Variants in NUP107 observed in about 807,000 individuals in gnomAD.
The protein encoded by NUP107 is nucleoporin 107.
A neutral mutation model predicts 141.0 loss-of-function variants in NUP107; 101 were observed. That is an observed-to-expected ratio of 0.72 (90% CI 0.61 to 0.84). The LOEUF (loss-of-function observed/expected upper bound fraction) is 0.84. Among genes scored for constraint, NUP107 ranks in the 40% least tolerant of loss-of-function variants. The probability of loss-of-function intolerance (pLI) is 0.00; values close to 1 mark genes in which losing one functional copy is unlikely to be tolerated. For synonymous variants in NUP107, 319 were observed against 363.9 expected, an observed-to-expected ratio of 0.88 and a Z score of 1.41; for missense variants, 941 against 1,102.7, an observed-to-expected ratio of 0.85 and a Z score of 2.08.
Position 68,742,850 on chromosome 12 carries a change from T to C in NUP107, c.*388T>C, listed in dbSNP as rs1878377707. On this transcript the variant is annotated 3_prime_UTR_variant, in exon 28 of 28. Transcript: ENST00000229179. ...ATTTTTTATTTATCATAAAATTTAG[T>C]ATTTTTGAATATTAAAATTAAGAAG... 1 of 152,450 alleles carries C rather than the reference T, an allele frequency of 6.6e-6. No homozygotes were observed. Among genetic ancestry groups the C allele is most frequent in the African/African-American group, 2.4e-5 (1 of 41,574 alleles). 9.4% of individuals were successfully genotyped at this position (152,450 alleles called of 1,614,324 possible). A position where few individuals can be genotyped will look rare whatever the true frequency, so the allele number is the denominator to read the frequency against.
intron 1 of NUP107, chr12:68,687,354 C>A: frequency 2.5e-6 from 2 of 808,238 alleles, no homozygotes; most frequent in Non-Finnish European, 3.4e-6. Flanking sequence ...CTGGGGTGGG[C>A]GGGGTAGGTA....
At chr12:68,700,017 C>G (rs1166423398) in intron 6 of NUP107, among the ~76,000 whole-genome samples, 1 of 152,146 alleles carries the variant, frequency 6.6e-6, no homozygotes, top group Non-Finnish European at 1.5e-5. Flanking sequence ...ATTCTCCTGC[C>G]TTAGCCTCCT....
At chr12:68,725,212 T>G (rs1877509659) in intron 17 of NUP107, among the ~76,000 whole-genome samples, 1 of 151,828 alleles carries the variant, frequency 6.6e-6, no homozygotes, top group Non-Finnish European at 1.5e-5. Context: ...TGAACTATAT[T>G]CTTCAAAAAA....
In NUP107 at chr12:68,687,006, G is replaced by A; in HGVS notation, c.-60G>A. The A allele has an allele frequency of 6.2e-7, 1 of 1,612,850 alleles. No homozygotes were observed. ...GGGCTTGCTTCCGGAGAGCGGGAAG[G>A]CTAAAACGCGGTAGCTAAACTGCAG... On this transcript the variant is annotated 5_prime_UTR_variant, in exon 1 of 28. Transcript: ENST00000229179.
intron 11 of NUP107, chr12:68,714,190 A>T (rs1384953604): frequency 6.3e-6 from 1 of 159,032 alleles, no homozygotes; most frequent in East Asian, 1.8e-4. Flanking sequence ...TGAAAAGTGG[A>T]TTTGAAAAGA....
intron 14 of NUP107, among the ~76,000 whole-genome samples, chr12:68,720,097 G>A (rs1333732767): frequency 6.6e-6 from 1 of 152,082 alleles, no homozygotes; most frequent in African/African-American, 2.4e-5. Context: ...GTTGTAACAC[G>A]ACATAGGTAT....
At chr12:68,726,963 T>C (rs1385101289) in intron 19 of NUP107, among the ~76,000 whole-genome samples, 1 of 152,216 alleles carries the variant, frequency 6.6e-6, no homozygotes. Flanking sequence ...GCTTTTTTTC[T>C]AAAAAAGAAG....
At chr12:68,741,612 G>T (rs951524624) in intron 26 of NUP107, among the ~76,000 whole-genome samples, 10 of 152,278 alleles carry the variant, frequency 6.6e-5, no homozygotes, top group Admixed American at 2.6e-4. Context: ...GACATAGTAA[G>T]TTTATTAGAA....
At chr12:68,725,605 C>G (rs1877525096) in intron 17 of NUP107, 122 bp from the exon 18 acceptor site, 1 of 597,576 alleles carries the variant, frequency 1.7e-6, no homozygotes, top group African/African-American at 1.9e-5. Flanking sequence ...TAAGGCCCTT[C>G]ATTTCCAGCT....
At position 68,743,654 on chromosome 12, in the gene NUP107, A is replaced by G. The variant is rs867399240; in HGVS notation, c.*1192A>G. The stretch of plus-strand genomic sequence containing the variant: ...GTGTAGGGCTTATAAACAGGAGACA[A>G]CTAAAAGAATGTGATTCTAATAGAA... On this transcript the variant is annotated 3_prime_UTR_variant, in exon 28 of 28. Coordinates refer to ENST00000229179, the MANE Select transcript of NUP107 (RefSeq NM_020401.4). 6.6e-6 allele frequency: 1 copy of G among 152,170 alleles called. No individual in the cohort carries two copies. Among genetic ancestry groups the G allele is most frequent in the African/African-American group, 2.4e-5 (1 of 41,448 alleles). The allele number at this position is 152,170 out of a possible 1,614,324, so 9.4% of individuals were successfully genotyped here. A position where few individuals can be genotyped will look rare whatever the true frequency, so the allele number is the denominator to read the frequency against.
At chr12:68,700,699 C>A in intron 6 of NUP107, 27 bp from the exon 7 acceptor site, 1 of 1,501,046 alleles carries the variant, frequency 6.7e-7, no homozygotes, top group Non-Finnish European at 8.9e-7. Context: ...GAAAATTAAC[C>A]TCTTTACATC....
rs1415648125 is a variant in NUP107, at chr12:68,690,701, G to A, written c.258G>A (p.Ser86=). The A allele has an allele frequency of 1.6e-5, 26 of 1,614,012 alleles. No individual in the cohort carries two copies. Among genetic ancestry groups the A allele is most frequent in the African/African-American group, 6.7e-5 (5 of 74,912 alleles). The part of the protein sequence containing the change: ...ISCILGTGGK[S]PRLTQSSGFF... Reference sequence around the variant, plus strand: ...GCATTCTTGGAACAGGAGGGAAGTCGCCCCGACTTACGCAGTCTTCAGGGT... The same window carrying A: ...GCATTCTTGGAACAGGAGGGAAGTCACCCCGACTTACGCAGTCTTCAGGGT... The change falls in exon 4 of 28, where the codon TCG becomes TCA. Residue 86 remains serine (S), a synonymous_variant. Coordinates refer to ENST00000229179, the MANE Select transcript of NUP107 (RefSeq NM_020401.4).
At chr12:68,691,907 C>A in intron 4 of NUP107, 61 bp from the exon 5 acceptor site, 1 of 1,348,270 alleles carries the variant, frequency 7.4e-7, no homozygotes, top group South Asian at 1.5e-5. Context: ...TTTAAAGTAT[C>A]CACTCAGTGA....
At chr12:68,731,578 G>GT (rs1399491000) in intron 21 of NUP107, 29 bp from the exon 22 acceptor site, 2 of 1,361,156 alleles carry the variant, frequency 1.5e-6, no homozygotes, top group South Asian at 1.4e-5. Context: ...ATTAATCTTT[G>GT]TTTTTTGTCG....
At chr12:68,694,892 A>G (rs1592492800) in intron 5 of NUP107, among the ~76,000 whole-genome samples, 2 of 152,200 alleles carry the variant, frequency 1.3e-5, no homozygotes, top group East Asian at 3.8e-4. Flanking sequence ...ACAAGAGCGA[A>G]ACTTCATCTC....
At chr12:68,688,477 ACAAGCTCTGTTTGTTGTTGTTGTTG>A (rs1191835467) in intron 1 of NUP107, among the ~76,000 whole-genome samples, 4 of 152,084 alleles carry the variant, frequency 2.6e-5, no homozygotes, top group Admixed American at 6.6e-5. Flanking sequence ...CTTCTATCTC[ACAAGCTCTGTTTGTTGTTGTTGTTG>A]CAAGCTCTGT....
At chr12:68,688,045 G>A (rs868257784) in intron 1 of NUP107, among the ~76,000 whole-genome samples, 1 of 152,184 alleles carries the variant, frequency 6.6e-6, no homozygotes, top group African/African-American at 2.4e-5. Context: ...AAAAAAGTAC[G>A]TGTAGCTCAG....
chr12:68,690,682 T>C lies in NUP107; in HGVS notation c.239T>C (p.Leu80Pro). Reference protein sequence around the residue: ...LLRQPDISCILGTGGKSPRLT... With the variant: ...LLRQPDISCIPGTGGKSPRLT... ...AGGCAGCCAGATATTTCCTGCATTC[T>C]TGGAACAGGAGGGAAGTCGCCCCGA... The change falls in exon 4 of 28, where the codon CTT (leucine) becomes CCT (proline). Residue 80 changes from leucine (L) to proline (P), a missense_variant. Physicochemically the swap from Leu to Pro is moderately conservative, Grantham distance 98 (BLOSUM62 -3). Transcript: ENST00000229179. The C allele has an allele frequency of 6.2e-7, 1 of 1,614,160 alleles. No individual in the cohort carries two copies. The highest frequency in any genetic ancestry group is 8.5e-7 in the Non-Finnish European group (1 of 1,179,984).
At chr12:68,701,876 C>T (rs1280293584) in intron 7 of NUP107, among the ~76,000 whole-genome samples, 2 of 152,006 alleles carry the variant, frequency 1.3e-5, no homozygotes, top group South Asian at 2.1e-4. Context: ...GTGGCACAAC[C>T]TTGGCTCGCT....
Sources: allele counts gnomAD v4.1 joint callset (sites outside exome capture counted in the v4.1 genomes callset), GRCh38; gene constraint gnomAD v4.1.1; transcripts MANE v1.5; gene names NCBI Gene and HGNC (gene_info 2026-07-23, HGNC 2026-07-21).